The following FAHD1 variants were observed in gnomAD, a reference collection of about 807,000 sequenced individuals.
FAHD1 encodes oxaloacetate tautomerase FAHD1, mitochondrial.
FAHD1 carries 14 observed loss-of-function variants against 12.7 expected under a neutral mutation model. The observed-to-expected ratio is 1.10, with a 90% confidence interval of 0.73 to 1.72. The LOEUF is 1.72. Ranked by LOEUF, FAHD1 falls within the 40% of genes most tolerant of loss-of-function variation. FAHD1 has a pLI of 0.00. For synonymous variants in FAHD1, 153 were observed against 124.9 expected, an observed-to-expected ratio of 1.22 and a Z score of -1.50; for missense variants, 351 against 298.9, an observed-to-expected ratio of 1.17 and a Z score of -1.29.
exon 1 of FAHD1, chr16:1,827,216 T>C: frequency 6.3e-7 from 1 of 1,592,686 alleles, no homozygotes; most frequent in Non-Finnish European, 8.6e-7. Flanking sequence ...CCCACGTGAC[T>C]ACAGGGGCAC....
downstream of FAHD1, among the ~76,000 whole-genome samples, chr16:1,832,561 G>A (rs1473799520): frequency 1.3e-5 from 2 of 151,932 alleles, no homozygotes; most frequent in Non-Finnish European, 1.5e-5. Context: ...CGAGGTGGGT[G>A]GATCACTTGA....
chr16:1,827,451 G>A lies in FAHD1; in HGVS notation c.213G>A (p.Leu71=), dbSNP rs191965297. 2.4e-4 allele frequency: 390 copies of A among 1,610,926 alleles called. 3 individuals are homozygous for A. In the Admixed American group the frequency reaches 6.1e-3, roughly 25 times the overall value. ...GCAACCTGCACCACGAGCTGGAGCT[G>A]GGCGTGGTGATGGGCAAGCGCTGCC... The change falls in exon 1 of 1, where the codon CTG becomes CTA. Residue 71 remains leucine, a synonymous_variant. Coordinates refer to ENST00000427358, the Ensembl canonical transcript of FAHD1.
downstream of FAHD1, among the ~76,000 whole-genome samples, chr16:1,830,912 CT>C (rs1898608132): frequency 2.4e-5 from 1 of 42,416 alleles, no homozygotes. Context: ...ACCTCTCTCT[CT>C]CTATACACAC....
At chr16:1,839,665 C>T in exon 3 of FAHD1, 1 of 450,820 alleles carries the variant, frequency 2.2e-6, no homozygotes, top group Non-Finnish European at 3.9e-6. Flanking sequence ...CCTCTGCCTG[C>T]CCTCCTTCCC....
chr16:1,827,290 G>A, exon 1 of FAHD1: 1 of 1,613,152 alleles, frequency 6.2e-7, no homozygotes, highest in Non-Finnish European at 8.5e-7. Flanking sequence ...AAAGAACATC[G>A]TCTGCGTGGG....
rs538771887 is a variant in FAHD1, at chr16:1,827,378, C to T, written c.140C>T (p.Thr47Met). 17 of 1,612,460 alleles carry T rather than the reference C, an allele frequency of 1.1e-5. No homozygotes were observed. The South Asian group carries it at 1.3e-4, about 12-fold the overall frequency. The change falls in exon 1 of 1, where the codon ACG becomes ATG. Residue 47 changes from threonine (T) to methionine (M), a missense_variant. Physicochemically the swap from Thr to Met is moderately conservative, Grantham distance 81. Transcript: ENST00000427358. ...CCCGTGCTGTTCCTGAAGCCGTCCACGGCCTACGCGCCCGAGGGCTCGCCC... is the reference window on the plus strand; with the variant it reads ...CCCGTGCTGTTCCTGAAGCCGTCCATGGCCTACGCGCCCGAGGGCTCGCCC...
exon 3 of FAHD1, chr16:1,839,617 G>A (rs1898847089): frequency 5.5e-6 from 3 of 549,158 alleles, no homozygotes; most frequent in South Asian, 2.6e-5. Flanking sequence ...TTTCTACGCA[G>A]CCATTCTCAG....
chr16:1,831,041 A>G (rs1316007719), downstream of FAHD1, among the ~76,000 whole-genome samples: 3 of 152,178 alleles, frequency 2.0e-5, no homozygotes, highest in Non-Finnish European at 4.4e-5. Context: ...CTACATGGAA[A>G]TGAGACCATT....
At chr16:1,836,728 C>A (rs536333874) in intron 1 of FAHD1, among the ~76,000 whole-genome samples, 1 of 147,406 alleles carries the variant, frequency 6.8e-6, no homozygotes, top group African/African-American at 2.4e-5. Context: ...AATGCTCCTG[C>A]AGGATGTCCA....
chr16:1,832,093 T>G, downstream of FAHD1, among the ~76,000 whole-genome samples: 1 of 151,848 alleles, frequency 6.6e-6, no homozygotes, highest in Non-Finnish European at 1.5e-5. Context: ...GAAAAAAAAC[T>G]ACCATGTTGC....
chr16:1,834,385 A>T, intron 1 of FAHD1: 1 of 1,311,420 alleles, frequency 7.6e-7, no homozygotes, highest in Non-Finnish European at 1.1e-6. Context: ...AGAAACAGAA[A>T]AAGAGACAAA....
chr16:1,828,970 T>G, downstream of FAHD1: 1 of 973,802 alleles, frequency 1.0e-6, no homozygotes, highest in Non-Finnish European at 1.2e-6. Flanking sequence ...ATTTCCTCCT[T>G]GTGGGGCTTC....
Position 1,827,375 on chromosome 16 carries a change from C to T in FAHD1, c.137C>T (p.Ser46Phe), listed in dbSNP as rs550938698. Residue 46 changes from serine to phenylalanine, a missense_variant, in exon 1 of 1, where the codon TCC becomes TTC. By Grantham distance (155) the Ser-to-Phe change is radical. Coordinates refer to ENST00000427358, the Ensembl canonical transcript of FAHD1. ...GAGCCCGTGCTGTTCCTGAAGCCGT[C>T]CACGGCCTACGCGCCCGAGGGCTCG... The T allele has an allele frequency of 8.1e-6, 13 of 1,612,606 alleles. No homozygotes were observed. The East Asian group carries it at 2.9e-4, about 36-fold the overall frequency.
At chr16:1,834,172 T>C in intron 1 of FAHD1, 1 of 731,954 alleles carries the variant, frequency 1.4e-6, no homozygotes, top group South Asian at 1.8e-5. Flanking sequence ...AATGCAATTT[T>C]CCCCATAATT....
chr16:1,834,663 T>C (rs1417615052), intron 1 of FAHD1, among the ~76,000 whole-genome samples: 1 of 152,238 alleles, frequency 6.6e-6, no homozygotes, highest in Non-Finnish European at 1.5e-5. Context: ...GCTGGTGCAG[T>C]GGCTCACGCC....
chr16:1,835,358 G>A (rs1432073610), intron 1 of FAHD1, among the ~76,000 whole-genome samples: 1 of 152,064 alleles, frequency 6.6e-6, no homozygotes, highest in Non-Finnish European at 1.5e-5. Flanking sequence ...GACTCAATCT[G>A]TGAGACTACA....
downstream of FAHD1, among the ~76,000 whole-genome samples, chr16:1,830,577 T>G (rs1258301859): frequency 6.6e-6 from 1 of 152,138 alleles, no homozygotes; most frequent in African/African-American, 2.4e-5. Context: ...TTCACCACAG[T>G]GGTAGAACAA....
At chr16:1,828,829 G>T (rs1000004031) in exon 1 of FAHD1, 6 of 998,458 alleles carry the variant, frequency 6.0e-6, no homozygotes, top group African/African-American at 1.7e-5. Flanking sequence ...TTTACTTAGG[G>T]TATCTACCCA....
At chr16:1,839,340 A>C (rs1303511423) in exon 3 of FAHD1, 1 of 1,614,248 alleles carries the variant, frequency 6.2e-7, no homozygotes, top group East Asian at 2.2e-5. Flanking sequence ...ATCAATCAGC[A>C]CATGGAAACT....
Sources: gnomAD v4.1 joint callset for allele counts (sites outside exome capture counted in the v4.1 genomes callset) on GRCh38, gnomAD v4.1.1 for gene constraint, MANE v1.5 for transcripts, NCBI Gene and HGNC (gene_info 2026-07-23, HGNC 2026-07-21) for gene names.